ITGBL1: variants seen among roughly 807,000 people sequenced by gnomAD.
ITGBL1 encodes the protein integrin beta-like protein 1.
A neutral mutation model predicts 68.5 loss-of-function variants in ITGBL1; 51 were observed. The ratio of observed to expected loss-of-function variants is 0.74; its 90% CI spans 0.59 to 0.94. The LOEUF (loss-of-function observed/expected upper bound fraction) is 0.94, where lower values mean the gene tolerates loss of function less well. Among genes scored for constraint, ITGBL1 ranks in the 40% least tolerant of loss-of-function variants. The pLI, the probability that ITGBL1 is intolerant of heterozygous loss-of-function variation, is 0.00. For missense variants in ITGBL1, 649 were observed against 647.4 expected, an observed-to-expected ratio of 1.00 and a Z score of -0.03; for synonymous variants, 209 against 227.3, an observed-to-expected ratio of 0.92 and a Z score of 0.72.
At chr13:101,671,867 A>G (rs7991602) in intron 7 of ITGBL1, among the ~76,000 whole-genome samples, 14,707 of 152,298 alleles carry the variant, frequency 0.097, 896 homozygotes, top group African/African-American at 0.17. Context: ...TGTAAGTTCA[A>G]TAAGAATCTG....
chr13:101,605,920 A>G (rs1014420859), intron 7 of ITGBL1, among the ~76,000 whole-genome samples: 5 of 140,430 alleles, frequency 3.6e-5, no homozygotes, highest in Admixed American at 3.0e-4. Flanking sequence ...GTACACATAT[A>G]TAGACATATG....
chr13:101,485,251 A>G (rs1292970698), intron 2 of ITGBL1, among the ~76,000 whole-genome samples: 1 of 151,992 alleles, frequency 6.6e-6, no homozygotes, highest in Non-Finnish European at 1.5e-5. Flanking sequence ...GCCAAGTGGA[A>G]AGATGAATCT....
At chr13:101,607,111 C>T (rs2030904575) in intron 7 of ITGBL1, among the ~76,000 whole-genome samples, 1 of 151,922 alleles carries the variant, frequency 6.6e-6, no homozygotes, top group Non-Finnish European at 1.5e-5. Flanking sequence ...TTATGCTCTT[C>T]TGTCAACAGC....
At chr13:101,584,436 T>C (rs577333714) in intron 6 of ITGBL1, among the ~76,000 whole-genome samples, 1 of 152,280 alleles carries the variant, frequency 6.6e-6, no homozygotes, top group South Asian at 2.1e-4. Flanking sequence ...CTTGCTAAGC[T>C]TGACTGCCTC....
At chr13:101,603,705 G>A (rs906818353) in intron 7 of ITGBL1, among the ~76,000 whole-genome samples, 1 of 151,696 alleles carries the variant, frequency 6.6e-6, no homozygotes. Flanking sequence ...AAAAATGTGT[G>A]TGTATTTTCA....
intron 8 of ITGBL1, among the ~76,000 whole-genome samples, chr13:101,693,299 T>C (rs2033924654): frequency 6.6e-6 from 1 of 152,154 alleles, no homozygotes; most frequent in African/African-American, 2.4e-5. Flanking sequence ...TTGCATTGCA[T>C]TCTTGAAAAA....
At chr13:101,558,003 T>C (rs752392053) in intron 2 of ITGBL1, among the ~76,000 whole-genome samples, 2 of 139,958 alleles carry the variant, frequency 1.4e-5, no homozygotes, top group Non-Finnish European at 3.0e-5. Context: ...GCAGGAGAAT[T>C]GCTTGAATTC....
chr13:101,606,787 T>C (rs1265397973), intron 7 of ITGBL1, among the ~76,000 whole-genome samples: 1 of 151,970 alleles, frequency 6.6e-6, no homozygotes, highest in African/African-American at 2.4e-5. Flanking sequence ...ACCAAGGTTC[T>C]ATGATGTGAA....
chr13:101,686,672 A>G (rs1160590645), intron 7 of ITGBL1, among the ~76,000 whole-genome samples: 4 of 151,706 alleles, frequency 2.6e-5, no homozygotes, highest in Admixed American at 1.3e-4. Flanking sequence ...GATAATGTGG[A>G]TTATGTTGAG....
chr13:101,697,687 A>G (rs951373218), intron 8 of ITGBL1, among the ~76,000 whole-genome samples: 1 of 152,272 alleles, frequency 6.6e-6, no homozygotes, highest in Admixed American at 6.5e-5. Context: ...TGACCTGTCT[A>G]CCTTGGTTTA....
intron 7 of ITGBL1, among the ~76,000 whole-genome samples, chr13:101,660,195 G>C (rs956196292): frequency 6.6e-6 from 1 of 152,194 alleles, no homozygotes. Context: ...GTGGGAGACA[G>C]TTGTAACTCA....
intron 7 of ITGBL1, among the ~76,000 whole-genome samples, chr13:101,614,788 G>T (rs187331128): frequency 6.6e-6 from 1 of 152,220 alleles, no homozygotes; most frequent in African/African-American, 2.4e-5. Context: ...ACCAATGCTG[G>T]GAGATAGCCC....
chr13:101,527,222 CA>C (rs2049396151), intron 2 of ITGBL1, among the ~76,000 whole-genome samples: 1 of 152,080 alleles, frequency 6.6e-6, no homozygotes, highest in South Asian at 2.1e-4. Flanking sequence ...TCATCATCTC[CA>C]AAATATTTCC....
intron 7 of ITGBL1, among the ~76,000 whole-genome samples, chr13:101,626,779 C>A (rs998621484): frequency 1.3e-5 from 2 of 152,076 alleles, no homozygotes; most frequent in Non-Finnish European, 2.9e-5. Flanking sequence ...AGGAGTACAT[C>A]TTTTTTTATA....
At chr13:101,575,604 A>T in intron 4 of ITGBL1, 58 bp downstream of exon 4, 2 of 1,545,490 alleles carry the variant, frequency 1.3e-6, no homozygotes, top group Middle Eastern at 1.7e-4. Flanking sequence ...CACCTATTTC[A>T]TTGTTCTTTT....
intron 7 of ITGBL1, among the ~76,000 whole-genome samples, chr13:101,602,941 A>T (rs1426458069): frequency 6.6e-6 from 1 of 151,996 alleles, no homozygotes; most frequent in Non-Finnish European, 1.5e-5. Context: ...ATCCTGTTGT[A>T]TGGATACACC....
intron 7 of ITGBL1, among the ~76,000 whole-genome samples, chr13:101,633,854 A>G (rs1345637509): frequency 6.6e-6 from 1 of 152,180 alleles, no homozygotes; most frequent in Non-Finnish European, 1.5e-5. Flanking sequence ...TTTTATTTGT[A>G]TTAGTCATCA....
chr13:101,717,865 T>C (rs1437238123), downstream of ITGBL1: 1 of 152,144 alleles, frequency 6.6e-6, no homozygotes, highest in African/African-American at 2.4e-5. Flanking sequence ...TTATTTTTCT[T>C]ATAATCCTCT....
At chr13:101,657,406 A>G (rs930845385) in intron 7 of ITGBL1, among the ~76,000 whole-genome samples, 1 of 152,166 alleles carries the variant, frequency 6.6e-6, no homozygotes, top group Non-Finnish European at 1.5e-5. Context: ...ATGTTAACAC[A>G]TATACAGAGA....
Sources: gnomAD v4.1 joint callset for allele counts (sites outside exome capture counted in the v4.1 genomes callset) on GRCh38, gnomAD v4.1.1 for gene constraint, MANE v1.5 for transcripts, NCBI Gene and HGNC (gene_info 2026-07-23, HGNC 2026-07-21) for gene names.